RAP1A: variants seen among roughly 807,000 people sequenced by gnomAD.
The protein encoded by RAP1A is ras-related protein Rap-1A.
In RAP1A, 6 loss-of-function variants were observed where a neutral mutation model predicts 26.4. That is an observed-to-expected ratio of 0.23 (90% CI 0.12 to 0.45). The LOEUF (loss-of-function observed/expected upper bound fraction) is 0.45. Ranked by LOEUF, RAP1A falls within the 20% of genes least tolerant of loss-of-function variation. RAP1A has a pLI of 0.99. For synonymous variants in RAP1A, 73 were observed against 79.4 expected (o/e 0.92, Z 0.43); for missense variants, 121 against 217.2 (o/e 0.56, Z 2.78).
intron 1 of RAP1A, chr1:111,648,648 G>T (rs1034773375): frequency 1.1e-4 from 59 of 520,398 alleles, no homozygotes; most frequent in Admixed American, 6.5e-4. Flanking sequence ...ATTTCTCACT[G>T]AGTCCAGGTC....
chr1:111,709,328 T>C (rs962352392), intron 7 of RAP1A, 64 bp downstream of exon 7: 37 of 1,441,274 alleles, frequency 2.6e-5, no homozygotes, highest in Non-Finnish European at 3.2e-5. Context: ...TTCCAGACTT[T>C]AGCTACTTCC....
At chr1:111,596,630 T>G (rs889641339) in intron 1 of RAP1A, among the ~76,000 whole-genome samples, 1 of 152,178 alleles carries the variant, frequency 6.6e-6, no homozygotes, top group African/African-American at 2.4e-5. Context: ...CATCAGAAAT[T>G]TATTTCTCAT....
rs1353775115 is a variant in RAP1A at position 111,567,813 on chromosome 1, AAG to A, written c.-28+25309_-28+25310del. On this transcript the variant is annotated intron_variant, in intron 1 of 7. Transcript: ENST00000356415. Reference sequence around the variant, plus strand: ...ACAAAGTGACTCTCTGTAAGCCAGGAAGAGAGTCCTCACCAGAAACCAAATTT... The same window carrying A: ...ACAAAGTGACTCTCTGTAAGCCAGGAAGAGTCCTCACCAGAAACCAAATTT... Among the ~76,000 whole-genome samples, 35 of 152,250 alleles carry A rather than the reference AAG, an allele frequency of 2.3e-4. 1 individual carries two copies. The highest frequency in any genetic ancestry group is 2.3e-3 in the Admixed American group (35 of 15,282).
intron 1 of RAP1A, among the ~76,000 whole-genome samples, chr1:111,647,154 C>G (rs1660096821): frequency 1.3e-5 from 2 of 152,126 alleles, no homozygotes; most frequent in African/African-American, 4.8e-5. Context: ...CGCCTCTTAT[C>G]AGATCACTAG....
At chr1:111,602,686 C>G (rs1248965711) in intron 1 of RAP1A, among the ~76,000 whole-genome samples, 1 of 152,164 alleles carries the variant, frequency 6.6e-6, no homozygotes, top group African/African-American at 2.4e-5. Flanking sequence ...AAAAAATAAT[C>G]AAAGTCCAGC....
At chr1:111,603,036 C>T (rs1375866022) in intron 1 of RAP1A, among the ~76,000 whole-genome samples, 1 of 152,206 alleles carries the variant, frequency 6.6e-6, no homozygotes, top group East Asian at 1.9e-4. Flanking sequence ...ATTCAAGCAC[C>T]CAACCATCAA....
chr1:111,681,529 A>G (rs186019638), intron 1 of RAP1A, among the ~76,000 whole-genome samples: 15 of 152,366 alleles, frequency 9.8e-5, no homozygotes, highest in African/African-American at 1.9e-4. Context: ...GCTGAAAAAC[A>G]TAGCACGAGA....
chr1:111,566,303 A>T (rs1379389295), intron 1 of RAP1A, among the ~76,000 whole-genome samples: 2 of 152,150 alleles, frequency 1.3e-5, no homozygotes, highest in Admixed American at 6.5e-5. Flanking sequence ...AGTGGAGAAG[A>T]GAGAAGTGGG....
intron 1 of RAP1A, among the ~76,000 whole-genome samples, chr1:111,605,315 G>C (rs1658749194): frequency 6.6e-6 from 1 of 152,208 alleles, no homozygotes; most frequent in Admixed American, 6.5e-5. Flanking sequence ...CAAAGCTTTG[G>C]AGAGGACAGG....
chr1:111,660,950 A>G (rs940697685), intron 1 of RAP1A, among the ~76,000 whole-genome samples: 1 of 151,858 alleles, frequency 6.6e-6, no homozygotes, highest in Non-Finnish European at 1.5e-5. Context: ...CTCAAACATC[A>G]CTCTTCTAGA....
At chr1:111,656,656 TC>T (rs772228084) in intron 1 of RAP1A, among the ~76,000 whole-genome samples, 1 of 152,134 alleles carries the variant, frequency 6.6e-6, no homozygotes, top group African/African-American at 2.4e-5. Context: ...TGATAATTGA[TC>T]AATTCTTCCT....
chr1:111,700,968 A>G (rs1361818472), intron 4 of RAP1A, among the ~76,000 whole-genome samples: 2 of 152,176 alleles, frequency 1.3e-5, no homozygotes, highest in African/African-American at 2.4e-5. Context: ...GATTATTTCA[A>G]TAACCTCAAA....
chr1:111,626,455 A>G (rs567532737), intron 1 of RAP1A, among the ~76,000 whole-genome samples: 60 of 152,120 alleles, frequency 3.9e-4, no homozygotes, highest in African/African-American at 1.4e-3. Flanking sequence ...TCAGCTAGCA[A>G]TTTCAATTCT....
At chr1:111,593,679 T>TTTTTTTTTTTTTTA (rs1402915441) in intron 1 of RAP1A, among the ~76,000 whole-genome samples, 1 of 144,050 alleles carries the variant, frequency 6.9e-6, no homozygotes, top group Non-Finnish European at 1.5e-5. Flanking sequence ...TTTTTTTTTT[T>TTTTTTTTTTTTTTA]ACCTTTCTAA....
At chr1:111,631,169 A>G (rs955664119) in intron 1 of RAP1A, among the ~76,000 whole-genome samples, 15 of 152,330 alleles carry the variant, frequency 9.8e-5, no homozygotes, top group African/African-American at 3.6e-4. Context: ...TTGTTAAGGA[A>G]ATAAAATATT....
intron 1 of RAP1A, among the ~76,000 whole-genome samples, chr1:111,580,120 C>T (rs1658224778): frequency 6.6e-6 from 1 of 152,052 alleles, no homozygotes; most frequent in South Asian, 2.1e-4. Flanking sequence ...GAATACTGAA[C>T]TAAAAGTGAA....
In RAP1A at chr1:111,613,223, G is replaced by A. The variant is rs188495373; in HGVS notation, c.-28+70714G>A. Among the ~76,000 whole-genome samples, 48 of 148,974 alleles carry A rather than the reference G, an allele frequency of 3.2e-4. No homozygotes were observed. In the East Asian group the frequency reaches 6.8e-3, roughly 21 times the overall value. On this transcript the variant is annotated intron_variant, in intron 1 of 7. Coordinates refer to the RAP1A transcript ENST00000356415. ...TTTTCTTTTTCTTTTTTTTTGAGAC[G>A]GAGTCTTGCTCTGTCACCCAGGCTG...
chr1:111,544,166 C>T (rs143001635), intron 1 of RAP1A, among the ~76,000 whole-genome samples: 142 of 152,248 alleles, frequency 9.3e-4, no homozygotes, highest in Non-Finnish European at 1.1e-3. Context: ...TCTAAATTTA[C>T]GCAGGCATAA....
intron 1 of RAP1A, among the ~76,000 whole-genome samples, chr1:111,552,234 CA>C (rs1302997204): frequency 6.6e-6 from 1 of 152,156 alleles, no homozygotes; most frequent in Non-Finnish European, 1.5e-5. Flanking sequence ...CAAATATTTC[CA>C]AATGACGACA....
Sources: gnomAD v4.1 joint callset for allele counts (sites outside exome capture counted in the v4.1 genomes callset) on GRCh38, gnomAD v4.1.1 for gene constraint, MANE v1.5 for transcripts, NCBI Gene and HGNC (gene_info 2026-07-23, HGNC 2026-07-21) for gene names.